GBE1: variants seen among roughly 807,000 people sequenced by gnomAD.
GBE1 encodes 1,4-alpha-glucan branching enzyme 1, also known as 1,4-alpha-glucan-branching enzyme.
GBE1 carries 70 observed loss-of-function variants against 88.8 expected under a neutral mutation model. That is an observed-to-expected ratio of 0.79 (90% CI 0.65 to 0.96). The LOEUF is 0.96. Among genes scored for constraint, GBE1 ranks in the 40% least tolerant of loss-of-function variants. The pLI, the probability that GBE1 is intolerant of heterozygous loss-of-function variation, is 0.00. For synonymous variants in GBE1, 284 were observed against 300.1 expected (o/e 0.95, Z 0.56); for missense variants, 872 against 871.0 (o/e 1.00, Z -0.01).
intron 8 of GBE1, among the ~76,000 whole-genome samples, chr3:81,593,138 A>G (rs1004808511): frequency 3.9e-5 from 6 of 151,980 alleles, no homozygotes; most frequent in African/African-American, 1.4e-4. Context: ...CAAGGCGGGC[A>G]GATCACCTGA....
intron 1 of GBE1, among the ~76,000 whole-genome samples, chr3:81,751,831 T>A (rs868003549): frequency 6.6e-6 from 1 of 152,210 alleles, no homozygotes; most frequent in Non-Finnish European, 1.5e-5. Flanking sequence ...GGTGTGTATA[T>A]CTGTATTGTG....
intron 12 of GBE1, 128 bp downstream of exon 12, chr3:81,577,797 T>C: frequency 2.9e-6 from 2 of 686,600 alleles, no homozygotes; most frequent in Admixed American, 3.7e-5. Context: ...CACGACAGTA[T>C]ATGAAATAAA....
At chr3:81,693,100 T>A (rs1384580664) in intron 2 of GBE1, among the ~76,000 whole-genome samples, 33 of 152,150 alleles carry the variant, frequency 2.2e-4, no homozygotes, top group Admixed American at 2.1e-3. Context: ...TTCTAAGAGA[T>A]TTTTTCTAGC....
intron 12 of GBE1, among the ~76,000 whole-genome samples, chr3:81,541,636 G>A (rs1450860610): frequency 6.6e-6 from 1 of 151,998 alleles, no homozygotes; most frequent in Non-Finnish European, 1.5e-5. Context: ...AGGATACAGT[G>A]AGAAGACAGC....
chr3:81,564,435 G>T (rs184339106), intron 12 of GBE1, among the ~76,000 whole-genome samples: 54 of 152,242 alleles, frequency 3.5e-4, no homozygotes, highest in Non-Finnish European at 6.3e-4. Context: ...AGGAAGAAAT[G>T]TAGCAGTATT....
At chr3:81,634,819 T>C (rs1345759916) in intron 7 of GBE1, among the ~76,000 whole-genome samples, 1 of 152,072 alleles carries the variant, frequency 6.6e-6, no homozygotes, top group Non-Finnish European at 1.5e-5. Flanking sequence ...GAAAAGTTAG[T>C]GAAGGAACAT....
chr3:81,734,048 A>G (rs1706222640), intron 1 of GBE1, among the ~76,000 whole-genome samples: 1 of 152,214 alleles, frequency 6.6e-6, no homozygotes, highest in Non-Finnish European at 1.5e-5. Flanking sequence ...AGGTATAATC[A>G]ATCATAAACA....
At position 81,606,202 on chromosome 3, in the gene GBE1, A is replaced by G. The variant is rs971514582; in HGVS notation, c.993-12179T>C. On this transcript the variant is annotated intron_variant, in intron 7 of 15. Coordinates refer to ENST00000429644, the MANE Select transcript of GBE1 (RefSeq NM_000158.4). Reference sequence around the variant, plus strand: ...AGTCTATGCTCCCCAAAACATCAAGATATCTGATGAAATTTAGAGAATTCA... The same window carrying G: ...AGTCTATGCTCCCCAAAACATCAAGGTATCTGATGAAATTTAGAGAATTCA... 1.2e-4 allele frequency among the ~76,000 whole-genome samples: 19 copies of G among 152,332 alleles called. 1 individual carries two copies. The highest frequency in any genetic ancestry group is 4.6e-4 in the African/African-American group (19 of 41,576).
chr3:81,533,835 G>A (rs754831003), intron 14 of GBE1, among the ~76,000 whole-genome samples: 11 of 151,994 alleles, frequency 7.2e-5, no homozygotes, highest in Middle Eastern at 3.2e-3. Context: ...TCTGAAGGTG[G>A]GTGACACTTG....
chr3:81,709,838 C>T (rs1705833164), intron 1 of GBE1, among the ~76,000 whole-genome samples: 1 of 152,114 alleles, frequency 6.6e-6, no homozygotes, highest in Admixed American at 6.5e-5. Context: ...ATACAGCAAG[C>T]TCATCATGCC....
intron 1 of GBE1, among the ~76,000 whole-genome samples, chr3:81,739,744 G>T (rs1706320162): frequency 6.6e-6 from 1 of 152,040 alleles, no homozygotes; most frequent in Admixed American, 6.6e-5. Flanking sequence ...TCCAAAACTG[G>T]TTAAGCCAAT....
intron 7 of GBE1, among the ~76,000 whole-genome samples, chr3:81,602,429 C>A (rs1704045835): frequency 1.3e-5 from 2 of 152,108 alleles, no homozygotes; most frequent in Admixed American, 1.3e-4. Flanking sequence ...TTATAAACAA[C>A]AAAAATTTAT....
rs34707682 is a variant in GBE1 at position 81,629,018 on chromosome 3, GTTTT to G, written c.992+13759_992+13762del. Among the ~76,000 whole-genome samples the G allele has an allele frequency of 5.8e-4, 57 of 97,986 alleles. 1 individual carries two copies. The highest frequency in any genetic ancestry group is 2.0e-3 in the African/African-American group (45 of 22,618). The allele number at this position is 97,986 out of a possible 152,430, so 64.3% of individuals were successfully genotyped here. A position where few individuals can be genotyped will look rare whatever the true frequency, so the allele number is the denominator to read the frequency against. On this transcript the variant is annotated intron_variant, in intron 7 of 15. Coordinates refer to ENST00000429644, the MANE Select transcript of GBE1 (RefSeq NM_000158.4). ...AATAATTAGTGACTATTATGTTTAAGTTTTTTTTTTTTTTTTTTTTTTATTATAC... is the reference window on the plus strand; with the variant it reads ...AATAATTAGTGACTATTATGTTTAAGTTTTTTTTTTTTTTTTTTATTATAC...
chr3:81,736,811 T>C (rs1425628910), intron 1 of GBE1, among the ~76,000 whole-genome samples: 3 of 152,168 alleles, frequency 2.0e-5, no homozygotes, highest in Admixed American at 6.6e-5. Context: ...TCTAGAGTAC[T>C]GCCTCTCAAC....
intron 12 of GBE1, among the ~76,000 whole-genome samples, chr3:81,556,243 CAAAT>C (rs1321824021): frequency 6.6e-6 from 1 of 151,556 alleles, no homozygotes; most frequent in East Asian, 1.9e-4. Context: ...TACTTAATGT[CAAAT>C]AAACATAATA....
intron 7 of GBE1, among the ~76,000 whole-genome samples, chr3:81,601,689 A>C (rs1704034437): frequency 6.6e-6 from 1 of 152,204 alleles, no homozygotes; most frequent in African/African-American, 2.4e-5. Flanking sequence ...CATATAAATT[A>C]CATTTATGGC....
chr3:81,718,033 G>A (rs1368966268), intron 1 of GBE1, among the ~76,000 whole-genome samples: 3 of 151,698 alleles, frequency 2.0e-5, no homozygotes, highest in East Asian at 1.9e-4. Context: ...AGGCTGGAGT[G>A]CAGTGGCACA....
chr3:81,492,618 TTTCC>T (rs1482601940), intron 15 of GBE1, among the ~76,000 whole-genome samples: 1 of 152,086 alleles, frequency 6.6e-6, no homozygotes, highest in Non-Finnish European at 1.5e-5. Context: ...TCTTTCTTTC[TTTCC>T]TTTTCTCTTC....
At chr3:81,548,682 G>A (rs1703237794) in intron 12 of GBE1, among the ~76,000 whole-genome samples, 3 of 151,052 alleles carry the variant, frequency 2.0e-5, no homozygotes, top group Admixed American at 1.3e-4. Flanking sequence ...ATCAGTGACA[G>A]GACTTTGATA....
Sources: gnomAD v4.1 joint callset for allele counts (sites outside exome capture counted in the v4.1 genomes callset) on GRCh38, gnomAD v4.1.1 for gene constraint, MANE v1.5 for transcripts, NCBI Gene and HGNC (gene_info 2026-07-23, HGNC 2026-07-21) for gene names.